Variants in PIGZ observed in about 807,000 individuals in gnomAD.
The protein encoded by PIGZ is GPI alpha-1,2-mannosyltransferase 4.
A neutral mutation model predicts 16.4 loss-of-function variants in PIGZ; 16 were observed. The observed-to-expected ratio is 0.97, with a 90% CI of 0.66 to 1.48. The LOEUF (loss-of-function observed/expected upper bound fraction) is 1.48, where lower values mean the gene tolerates loss of function less well. Among genes scored for constraint, PIGZ ranks in the 40% most tolerant of loss-of-function variants. The probability of loss-of-function intolerance (pLI) is 0.00; values close to 1 mark genes in which losing one functional copy is unlikely to be tolerated. For missense variants in PIGZ, 770 were observed against 739.2 expected (o/e 1.04, Z -0.48); for synonymous variants, 409 against 338.4 (o/e 1.21, Z -2.29).
At chr3:196,963,483 T>G (rs1717801816) in intron 1 of PIGZ, among the ~76,000 whole-genome samples, 1 of 152,228 alleles carries the variant, frequency 6.6e-6, no homozygotes, top group Admixed American at 6.5e-5. Flanking sequence ...TCAGTGGGTG[T>G]GAAGTGGTAT....
chr3:196,964,427 G>A (rs1717847679), intron 1 of PIGZ, among the ~76,000 whole-genome samples: 1 of 150,488 alleles, frequency 6.6e-6, no homozygotes, highest in Non-Finnish European at 1.5e-5. Context: ...GCACGATCTT[G>A]GCTCACTGCA....
intron 2 of PIGZ, among the ~76,000 whole-genome samples, chr3:196,950,286 A>G (rs572380180): frequency 1.3e-5 from 2 of 150,652 alleles, no homozygotes; most frequent in East Asian, 3.9e-4. Context: ...CACCCTGCCT[A>G]TGATACTTAA....
intron 1 of PIGZ, among the ~76,000 whole-genome samples, chr3:196,968,484 G>A (rs1471440833): frequency 6.6e-6 from 1 of 152,256 alleles, no homozygotes; most frequent in African/African-American, 2.4e-5. Context: ...GGGCGGGTCA[G>A]TGCTTCGAGC....
At chr3:196,966,568 C>T (rs1367067579) in intron 1 of PIGZ, among the ~76,000 whole-genome samples, 2 of 152,188 alleles carry the variant, frequency 1.3e-5, no homozygotes, top group Non-Finnish European at 2.9e-5. Context: ...CCACTGGGGC[C>T]CATCTGTCAA....
At chr3:196,968,275 C>T (rs576875667) in intron 1 of PIGZ, among the ~76,000 whole-genome samples, 1 of 152,326 alleles carries the variant, frequency 6.6e-6, no homozygotes, top group Admixed American at 6.5e-5. Flanking sequence ...GTTTCCTCCT[C>T]TTGCCCTGTT....
At position 196,947,647 on chromosome 3, in the gene PIGZ, A is replaced by G. The variant is rs1147238; in HGVS notation, c.1250T>C (p.Val417Ala). The change falls in exon 3 of 3, where the codon GTC becomes GCC. Residue 417 changes from valine to alanine, a missense_variant. Coordinates refer to ENST00000412723, the MANE Select transcript of PIGZ (RefSeq NM_025163.4). ...TQPVPWKGTV[V>A]LFNALGALLF... ...GAGGGCACCGAGGGCGTTGAAGAGGACCACAGTGCCCTTCCAAGGCACAGG... is the reference window on the plus strand; with the variant it reads ...GAGGGCACCGAGGGCGTTGAAGAGGGCCACAGTGCCCTTCCAAGGCACAGG... The G allele has an allele frequency of 0.14, 224,690 of 1,611,114 alleles. 19,515 individuals are homozygous for G. Among genetic ancestry groups the G allele is most frequent in the African/African-American group, 0.41 (30,825 of 74,938 alleles).
intron 1 of PIGZ, among the ~76,000 whole-genome samples, chr3:196,957,094 T>C (rs1179261684): frequency 6.6e-6 from 1 of 152,116 alleles, no homozygotes; most frequent in Non-Finnish European, 1.5e-5. Context: ...TTGAAGGGAT[T>C]TACACTTGCT....
At position 196,965,305 on chromosome 3, in the gene PIGZ, T is replaced by A. The variant is rs940657504; in HGVS notation, c.-1+3382A>T. Among the ~76,000 whole-genome samples, 4 of 151,636 alleles carry A rather than the reference T, an allele frequency of 2.6e-5. No individual in the cohort carries two copies. The highest frequency in any genetic ancestry group is 5.9e-5 in the Non-Finnish European group (4 of 67,928). Reference sequence around the variant, plus strand: ...CTCTTCACAAGGTGGCAAGAGAGAGTGTGAGTGGAGGAAATGACGGACGCT... The same window carrying A: ...CTCTTCACAAGGTGGCAAGAGAGAGAGTGAGTGGAGGAAATGACGGACGCT... On this transcript the variant is annotated intron_variant, in intron 1 of 2. Coordinates refer to ENST00000412723, the MANE Select transcript of PIGZ (RefSeq NM_025163.4). The surrounding 1 kb of genome is among the most constrained non-coding windows in gnomAD (Gnocchi z 4.2).
At chr3:196,958,602 G>T (rs930433994) in intron 1 of PIGZ, among the ~76,000 whole-genome samples, 3 of 152,236 alleles carry the variant, frequency 2.0e-5, no homozygotes, top group Non-Finnish European at 4.4e-5. Flanking sequence ...CTGCACTCCA[G>T]CCTGGGGGAC....
intron 1 of PIGZ, among the ~76,000 whole-genome samples, chr3:196,957,298 C>T (rs1413948165): frequency 2.0e-5 from 3 of 152,026 alleles, no homozygotes; most frequent in Non-Finnish European, 4.4e-5. Flanking sequence ...ATAGCCCACC[C>T]CCAGCTCAAT....
rs761448014 is a variant in PIGZ, at chr3:196,948,285, C to T, written c.612G>A (p.Glu204=). 5 of 1,614,018 alleles carry T rather than the reference C, an allele frequency of 3.1e-6. No homozygotes were observed. The highest frequency in any genetic ancestry group is 1.7e-5 in the Admixed American group (1 of 59,996). Residue 204 remains glutamate (E), a synonymous_variant, in exon 3 of 3, where the codon GAG becomes GAA. Coordinates refer to ENST00000412723, the MANE Select transcript of PIGZ (RefSeq NM_025163.4). ...TGCGCCACCGTGGACCCGGCGCCGG[C>T]TCCTTGCGTGTAGGGCCCCACGTTA... ...SHVTWGPTRK[E]PAPGPRWRSW...
At chr3:196,968,095 G>A (rs1446658406) in intron 1 of PIGZ, among the ~76,000 whole-genome samples, 2 of 152,228 alleles carry the variant, frequency 1.3e-5, no homozygotes, top group African/African-American at 4.8e-5. Flanking sequence ...CGGAGCGCTG[G>A]GTGCTCCCTG....
At chr3:196,963,373 AG>A (rs1717797663) in intron 1 of PIGZ, among the ~76,000 whole-genome samples, 1 of 152,218 alleles carries the variant, frequency 6.6e-6, no homozygotes, top group Admixed American at 6.5e-5. Flanking sequence ...GGAAACTTCC[AG>A]GTTGTTTTCC....
Position 196,948,474 on chromosome 3 carries a change from G to A in PIGZ, c.423C>T (p.Asp141=), listed in dbSNP as rs140434104. ...GCGGGGCCAGGTGGTACACGGCCCC[G>A]TCCAGAGCAAAGGAAAGGGCAGTGA... ...LLLTALSFAL[D]GAVYHLAPPM... Residue 141 remains aspartate (D), a synonymous_variant, in exon 3 of 3, where the codon GAC becomes GAT. Transcript: ENST00000412723. 811 of 1,613,776 alleles carry A rather than the reference G, an allele frequency of 5.0e-4. 7 individuals are homozygous for A. In the South Asian group the frequency reaches 6.1e-3, roughly 12 times the overall value.
chr3:196,957,057 G>A (rs532050758), intron 1 of PIGZ, among the ~76,000 whole-genome samples: 108 of 152,244 alleles, frequency 7.1e-4, no homozygotes, highest in African/African-American at 2.5e-3. Flanking sequence ...TTTGAGGTCA[G>A]GGATGAGGCA....
intron 1 of PIGZ, 44 bp downstream of exon 1, chr3:196,968,643 C>G (rs991038835): frequency 6.6e-6 from 1 of 152,294 alleles, no homozygotes; most frequent in Non-Finnish European, 1.5e-5. Flanking sequence ...TCGCCCTCCC[C>G]GCACCCGCTC....
intron 1 of PIGZ, among the ~76,000 whole-genome samples, chr3:196,959,224 C>A (rs1717616219): frequency 6.6e-6 from 1 of 152,220 alleles, no homozygotes; most frequent in South Asian, 2.1e-4. Context: ...CCAGTTACTA[C>A]ACACCCCTGC....
In PIGZ at chr3:196,947,629, C is replaced by A; in HGVS notation, c.1268G>T (p.Gly423Val). The change falls in exon 3 of 3, where the codon GGT (glycine) becomes GTT (valine). Residue 423 changes from glycine to valine, a missense_variant. Coordinates refer to ENST00000412723, the MANE Select transcript of PIGZ (RefSeq NM_025163.4). ...ATGCAGGCAGCCGAAGAGGAGGGCA[C>A]CGAGGGCGTTGAAGAGGACCACAGT... Reference protein sequence around the residue: ...KGTVVLFNALGALLFGCLHQG... With the variant: ...KGTVVLFNALVALLFGCLHQG... The A allele has an allele frequency of 6.2e-7, 1 of 1,612,738 alleles. No individual in the cohort carries two copies. The highest frequency in any genetic ancestry group is 8.5e-7 in the Non-Finnish European group (1 of 1,179,220).
chr3:196,951,948 C>T lies in PIGZ; in HGVS notation c.84G>A (p.Leu28=). 1 of 1,614,236 alleles carries T rather than the reference C, an allele frequency of 6.2e-7. No individual in the cohort carries two copies. The highest frequency in any genetic ancestry group is 1.1e-5 in the South Asian group (1 of 91,082). ...QVLGPVCWQQ[L]DLKMAVRVLW... ...GCACCCTGACTGCCATCTTCAGATCCAGTTGTTGCCAACACACCGGGCCCA... is the reference window on the plus strand; with the variant it reads ...GCACCCTGACTGCCATCTTCAGATCTAGTTGTTGCCAACACACCGGGCCCA... Residue 28 remains leucine (L), a synonymous_variant, in exon 2 of 3, where the codon CTG becomes CTA. Coordinates refer to ENST00000412723, the MANE Select transcript of PIGZ (RefSeq NM_025163.4).
Sources: gnomAD v4.1 joint callset for allele counts (sites outside exome capture counted in the v4.1 genomes callset) on GRCh38, gnomAD v4.1.1 for gene constraint, Gnocchi (gnomAD v3.1) non-coding constraint, MANE v1.5 for transcripts, NCBI Gene and HGNC (gene_info 2026-07-23, HGNC 2026-07-21) for gene names.